IL23R: variants seen among roughly 807,000 people sequenced by gnomAD.
IL23R encodes interleukin 23 receptor.
IL23R carries 34 observed loss-of-function variants against 56.9 expected under a neutral mutation model. The ratio of observed to expected loss-of-function variants is 0.60; its 90% confidence interval spans 0.45 to 0.80. IL23R has a LOEUF of 0.80. Ranked by LOEUF, IL23R falls within the 30% of genes least tolerant of loss-of-function variation. IL23R has a pLI of 0.00. For missense variants in IL23R, 635 were observed against 730.0 expected (o/e 0.87, Z 1.50); for synonymous variants, 230 against 249.2 (o/e 0.92, Z 0.73).
chr1:67,229,884 C>T (rs978638138), intron 7 of IL23R, among the ~76,000 whole-genome samples: 1 of 152,166 alleles, frequency 6.6e-6, no homozygotes, highest in African/African-American at 2.4e-5. Context: ...GCAGTTTTTA[C>T]TAGTCAGGAT....
intron 1 of IL23R, among the ~76,000 whole-genome samples, chr1:67,153,890 C>G (rs190044805): frequency 6.3e-4 from 96 of 152,146 alleles, no homozygotes; most frequent in Non-Finnish European, 1.1e-3. Context: ...CTCAGTCTCC[C>G]GAGTAGCTGG....
In IL23R at chr1:67,230,840, T is replaced by C. The variant is rs555180179; in HGVS notation, c.956-5873T>C. Among the ~76,000 whole-genome samples, 8 of 152,338 alleles carry C rather than the reference T, an allele frequency of 5.3e-5. No individual in the cohort carries two copies. In the East Asian group the frequency reaches 1.4e-3, roughly 26 times the overall value. ...ATTAGTTTTGCCTTGCTAATTGACA[T>C]ACTCAACTCTTTACCCTTGGCCCGA... is the stretch of plus-strand genomic sequence containing the variant. On this transcript the variant is annotated intron_variant, in intron 7 of 10. Transcript: ENST00000347310.
intron 1 of IL23R, among the ~76,000 whole-genome samples, chr1:67,141,075 A>G (rs1390737503): frequency 3.9e-5 from 6 of 152,206 alleles, no homozygotes; most frequent in Non-Finnish European, 8.8e-5. Flanking sequence ...ATGAAGAAAT[A>G]CGTAATAACA....
chr1:67,190,603 A>G (rs11209013), intron 4 of IL23R, among the ~76,000 whole-genome samples: 71,195 of 151,988 alleles, frequency 0.47, 17,489 homozygotes, highest in East Asian at 0.64. Flanking sequence ...ATAAAAATGC[A>G]TGAATGATAG....
intron 1 of IL23R, among the ~76,000 whole-genome samples, chr1:67,149,050 T>C (rs960820225): frequency 2.0e-5 from 3 of 152,114 alleles, no homozygotes; most frequent in Admixed American, 2.0e-4. Flanking sequence ...TTATAGAACA[T>C]TGTAGTGATA....
intron 1 of IL23R, among the ~76,000 whole-genome samples, chr1:67,144,794 A>G (rs1646665854): frequency 6.6e-6 from 1 of 152,106 alleles, no homozygotes; most frequent in Non-Finnish European, 1.5e-5. Context: ...CTTTCCCTAC[A>G]TAATCTCACC....
chr1:67,215,025 G>A (rs574333381), intron 6 of IL23R, among the ~76,000 whole-genome samples: 31 of 152,284 alleles, frequency 2.0e-4, no homozygotes, highest in East Asian at 3.9e-4. Flanking sequence ...CCTCTGTCAC[G>A]TACCGCCTGC....
In IL23R at chr1:67,258,712, C is replaced by A. The variant is rs2100397737; in HGVS notation, c.1474C>A (p.Leu492Met). 6.2e-7 allele frequency: 1 copy of A among 1,613,782 alleles called. No homozygotes were observed. The highest frequency in any genetic ancestry group is 8.5e-7 in the Non-Finnish European group (1 of 1,179,852). ...ATATAAACCCCAAATTTCAAATTTT[C>A]TGCCTGAGGGAAGCCATCTCAGCAA... ...TGYKPQISNF[L>M]PEGSHLSNNN... Residue 492 changes from leucine (L) to methionine (M), a missense_variant, in exon 11 of 11, where the codon CTG (leucine) becomes ATG (methionine). Physicochemically the swap from Leu to Met is conservative, Grantham distance 15. Transcript: ENST00000347310.
chr1:67,262,485 A>C (rs1487662937), downstream of IL23R, among the ~76,000 whole-genome samples: 1 of 152,180 alleles, frequency 6.6e-6, no homozygotes, highest in Admixed American at 6.5e-5. Context: ...ACTGATGTTC[A>C]TCTGAGTCTC....
At chr1:67,217,871 C>T (rs940017423) in intron 6 of IL23R, among the ~76,000 whole-genome samples, 4 of 151,566 alleles carry the variant, frequency 2.6e-5, no homozygotes, top group African/African-American at 9.7e-5. Context: ...TAAATGGAAG[C>T]ATCCCTGAAT....
rs563168242 is a variant in IL23R at position 67,176,446 on chromosome 1, T to C, written c.368-6390T>C. Among the ~76,000 whole-genome samples the C allele has an allele frequency of 6.3e-4, 86 of 136,148 alleles. 1 individual carries two copies. In the Middle Eastern group the frequency reaches 0.01, roughly 16 times the overall value. 89.3% of individuals were successfully genotyped at this position (136,148 alleles called of 152,430 possible). On this transcript the variant is annotated intron_variant, in intron 3 of 10. Transcript: ENST00000347310. ...CGGACTATAGAGAACTTCATATTTC[T>C]TTTTTTTTTATTCTTCCATTACAAA... is the stretch of plus-strand genomic sequence containing the variant.
At chr1:67,201,881 G>T (rs557424287) in intron 5 of IL23R, among the ~76,000 whole-genome samples, 2 of 151,968 alleles carry the variant, frequency 1.3e-5, no homozygotes, top group Admixed American at 1.3e-4. Context: ...TTTTAATGTT[G>T]TCTGAATATA....
At chr1:67,193,553 C>T (rs1204802055) in intron 4 of IL23R, among the ~76,000 whole-genome samples, 1 of 151,890 alleles carries the variant, frequency 6.6e-6, no homozygotes, top group East Asian at 1.9e-4. Flanking sequence ...TCTAGGTGCT[C>T]AGGGAACATC....
At chr1:67,260,501 C>G (rs1421364310), downstream of IL23R, among the ~76,000 whole-genome samples, 3 of 152,016 alleles carry the variant, frequency 2.0e-5, no homozygotes, top group African/African-American at 7.3e-5. Context: ...TCAGAACAGG[C>G]CTTTCTACTG....
At chr1:67,245,613 A>T (rs1175338519) in intron 9 of IL23R, among the ~76,000 whole-genome samples, 1 of 152,160 alleles carries the variant, frequency 6.6e-6, no homozygotes, top group Non-Finnish European at 1.5e-5. Flanking sequence ...GATTACGTTT[A>T]TTCATTTGCC....
chr1:67,207,569 T>C, intron 6 of IL23R: 1 of 354,250 alleles, frequency 2.8e-6, no homozygotes, highest in Non-Finnish European at 5.4e-6. Flanking sequence ...TGAATAAGTC[T>C]CACGAGATCT....
At chr1:67,173,417 C>G (rs1183209872) in intron 3 of IL23R, among the ~76,000 whole-genome samples, 1 of 152,104 alleles carries the variant, frequency 6.6e-6, no homozygotes, top group African/African-American at 2.4e-5. Context: ...ATCAATGGCA[C>G]TCTGTATCTG....
At chr1:67,149,465 T>C (rs1478943236) in intron 1 of IL23R, among the ~76,000 whole-genome samples, 4 of 152,102 alleles carry the variant, frequency 2.6e-5, no homozygotes, top group East Asian at 1.9e-4. Context: ...ATTTTGCTTC[T>C]CTTATTCCCC....
In IL23R at chr1:67,217,210, C is replaced by G. The variant is rs192878742; in HGVS notation, c.799-2364C>G. Among the ~76,000 whole-genome samples the G allele has an allele frequency of 4.1e-4, 63 of 152,262 alleles. No homozygotes were observed. In the Middle Eastern group the frequency reaches 0.024, roughly 58 times the overall value. The stretch of plus-strand genomic sequence containing the variant: ...ACCCCTAACCTTCAGAGTTGAGGCT[C>G]TAAGTAGAAATGGACTTACTTCAAA... On this transcript the variant is annotated intron_variant, in intron 6 of 10. Coordinates refer to ENST00000347310, the MANE Select transcript of IL23R (RefSeq NM_144701.3).
Sources: allele counts gnomAD v4.1 joint callset (sites outside exome capture counted in the v4.1 genomes callset), GRCh38; gene constraint gnomAD v4.1.1; transcripts MANE v1.5; gene names NCBI Gene and HGNC (gene_info 2026-07-23, HGNC 2026-07-21).